TCF20: variants seen among roughly 807,000 people sequenced by gnomAD.
The protein encoded by TCF20 is SPRE-binding protein.
A neutral mutation model predicts 148.6 loss-of-function variants in TCF20; 3 were observed. The ratio of observed to expected loss-of-function variants is 0.02; its 90% CI spans 0.01 to 0.05. The LOEUF (loss-of-function observed/expected upper bound fraction) is 0.05, where lower values mean the gene tolerates loss of function less well. TCF20 is among the 10% of genes least tolerant of loss of function. The pLI, the probability that TCF20 is intolerant of heterozygous loss-of-function variation, is 1.00. For synonymous variants in TCF20, 1,049 were observed against 909.5 expected (o/e 1.15, Z -2.76); for missense variants, 2,350 against 2,429.3 (o/e 0.97, Z 0.69).
intron 3 of TCF20, among the ~76,000 whole-genome samples, chr22:42,173,020 G>A (rs756633836): frequency 2.6e-5 from 4 of 152,000 alleles, no homozygotes; most frequent in Admixed American, 1.3e-4. Flanking sequence ...GGCTCTGATG[G>A]CACCAGCAAG....
intron 1 of TCF20, among the ~76,000 whole-genome samples, chr22:42,218,539 C>T (rs906406502): frequency 1.3e-5 from 2 of 152,114 alleles, no homozygotes; most frequent in African/African-American, 4.8e-5. Context: ...CTAAATTGAA[C>T]AAAAACATTA....
Position 42,203,218 on chromosome 22 carries a change from G to A in TCF20, c.5655+6433C>T, listed in dbSNP as rs146237476. 6.5e-3 allele frequency among the ~76,000 whole-genome samples: 993 copies of A among 152,178 alleles called. 12 individuals carry two copies. The highest frequency in any genetic ancestry group is 0.023 in the African/African-American group (937 of 41,496). On this transcript the variant is annotated intron_variant, in intron 2 of 5. Coordinates refer to ENST00000677622, the MANE Select transcript of TCF20 (RefSeq NM_001378418.1). Reference sequence around the variant, plus strand: ...AATTTTCGTATTTTTGGTAGAGACAGGGTTTCTCCATGTTGCCCAGGCTGG... The same window carrying A: ...AATTTTCGTATTTTTGGTAGAGACAAGGTTTCTCCATGTTGCCCAGGCTGG...
Position 42,211,037 on chromosome 22 carries a change from C to A in TCF20, c.4269G>T (p.Glu1423Asp), listed in dbSNP as rs1273563157. Residue 1423 changes from glutamate (E) to aspartate (D), a missense_variant, in exon 2 of 6, where the codon GAG (glutamate) becomes GAT (aspartate). Glu to Asp is a conservative substitution (Grantham distance 45). This residue lies in a region of TCF20 where 231 missense variants were observed against 213.7 expected (regional missense o/e 1.08). Transcript: ENST00000677622. ...TTGGAAGAGGTTTCTCTACGTGCAA[C>A]TCCTGGTTTGCTGGACTGACTAGGT... is the stretch of plus-strand genomic sequence containing the variant. ...ASDLVSPANQ[E>D]LHVEKPLPRS... The A allele has an allele frequency of 1.9e-6, 3 of 1,614,074 alleles. No homozygotes were observed. The highest frequency in any genetic ancestry group is 2.5e-6 in the Non-Finnish European group (3 of 1,180,048).
chr22:42,269,465 G>GC (rs971064687), intron 1 of TCF20, among the ~76,000 whole-genome samples: 31 of 152,060 alleles, frequency 2.0e-4, no homozygotes, highest in African/African-American at 7.2e-4. Flanking sequence ...CCTCGGCACC[G>GC]CCCCCCAACT....
intron 1 of TCF20, among the ~76,000 whole-genome samples, chr22:42,261,210 T>G (rs1246264429): frequency 2.0e-5 from 3 of 152,232 alleles, no homozygotes; most frequent in Non-Finnish European, 2.9e-5. Flanking sequence ...TTCCATTGTA[T>G]GAACATGCCA....
At chr22:42,222,072 C>A (rs1261549323) in intron 1 of TCF20, among the ~76,000 whole-genome samples, 5 of 152,166 alleles carry the variant, frequency 3.3e-5, no homozygotes, top group Non-Finnish European at 5.9e-5. Context: ...CATGCAGAGA[C>A]AGAGCAAGGC....
chr22:42,248,921 C>G (rs1569184526), intron 1 of TCF20, among the ~76,000 whole-genome samples: 1 of 152,116 alleles, frequency 6.6e-6, no homozygotes, highest in Non-Finnish European at 1.5e-5. Context: ...ACAGGAACAC[C>G]TAGAAACCTG....
Position 42,242,853 on chromosome 22 carries a change from C to G in TCF20, c.-37+27486G>C, listed in dbSNP as rs185524238. Reference sequence around the variant, plus strand: ...AGTGAGTGGAGATCGCACCACTGCACTTCAGCTTGGGTGACAGAGCAAGAC... The same window carrying G: ...AGTGAGTGGAGATCGCACCACTGCAGTTCAGCTTGGGTGACAGAGCAAGAC... On this transcript the variant is annotated intron_variant, in intron 1 of 5. Coordinates refer to ENST00000677622, the MANE Select transcript of TCF20 (RefSeq NM_001378418.1). Among the ~76,000 whole-genome samples the G allele has an allele frequency of 1.5e-4, 23 of 152,144 alleles. No individual in the cohort carries two copies. The East Asian group carries it at 4.5e-3, about 29-fold the overall frequency.
intron 1 of TCF20, among the ~76,000 whole-genome samples, chr22:42,247,495 A>G (rs1303754767): frequency 6.6e-6 from 1 of 151,658 alleles, no homozygotes; most frequent in African/African-American, 2.4e-5. Context: ...ACGGACCCAG[A>G]CCTGGAAATA....
chr22:42,205,896 C>T (rs768411634), intron 2 of TCF20, among the ~76,000 whole-genome samples: 16 of 152,154 alleles, frequency 1.1e-4, no homozygotes, highest in Non-Finnish European at 2.1e-4. Context: ...CTCAGCCTCC[C>T]GAGTAGCTGG....
At chr22:42,188,984 T>TC (rs1354705214) in intron 2 of TCF20, among the ~76,000 whole-genome samples, 5 of 151,872 alleles carry the variant, frequency 3.3e-5, no homozygotes, top group Non-Finnish European at 5.9e-5. Context: ...TTGACCTGAG[T>TC]CATAAAGAGT....
At chr22:42,266,030 T>G (rs1926269560) in intron 1 of TCF20, among the ~76,000 whole-genome samples, 2 of 151,660 alleles carry the variant, frequency 1.3e-5, no homozygotes, top group South Asian at 4.2e-4. Flanking sequence ...AAAACCACCC[T>G]TTCCAGTATT....
At position 42,160,234 on chromosome 22, in the gene TCF20, C is replaced by T. The variant is rs1293526244; in HGVS notation, c.*1169G>A. ...AAATTATACAATTTACAAAACAAAA[C>T]AACACAACATAAAGAATCACGTAGC... On this transcript the variant is annotated 3_prime_UTR_variant, in exon 6 of 6. Transcript: ENST00000677622. The T allele has an allele frequency of 6.6e-6, 1 of 152,398 alleles. No individual in the cohort carries two copies. Among genetic ancestry groups the T allele is most frequent in the Admixed American group, 6.6e-5 (1 of 15,260 alleles). The allele number at this position is 152,398 out of a possible 1,614,324, so 9.4% of individuals were successfully genotyped here.
At chr22:42,249,989 G>C (rs1601660440) in intron 1 of TCF20, among the ~76,000 whole-genome samples, 1 of 152,094 alleles carries the variant, frequency 6.6e-6, no homozygotes, top group Non-Finnish European at 1.5e-5. Context: ...AGGTGTGGTG[G>C]AGCACCTGTA....
intron 1 of TCF20, among the ~76,000 whole-genome samples, chr22:42,341,054 G>A (rs1379304542): frequency 6.6e-6 from 1 of 152,194 alleles, no homozygotes; most frequent in Non-Finnish European, 1.5e-5. Context: ...CTCCATCAAA[G>A]CGCGCGCCGG....
At chr22:42,288,046 C>T (rs200459834), upstream of TCF20, among the ~76,000 whole-genome samples, 20 of 152,228 alleles carry the variant, frequency 1.3e-4, no homozygotes, top group East Asian at 3.7e-3. Flanking sequence ...GTGCTGGGCA[C>T]CCTACAGAAA....
At chr22:42,241,137 C>A (rs189945853) in intron 1 of TCF20, among the ~76,000 whole-genome samples, 1 of 152,330 alleles carries the variant, frequency 6.6e-6, no homozygotes, top group Admixed American at 6.5e-5. Context: ...GGATTACAGG[C>A]CTTAGCCAGC....
chr22:42,219,996 G>A (rs531199467), intron 1 of TCF20, among the ~76,000 whole-genome samples: 5 of 152,248 alleles, frequency 3.3e-5, no homozygotes, highest in African/African-American at 1.2e-4. Context: ...CCAGAACTCT[G>A]TGCCTAAACA....
intron 3 of TCF20, among the ~76,000 whole-genome samples, chr22:42,174,877 C>T (rs1214440091): frequency 6.6e-6 from 1 of 151,898 alleles, no homozygotes; most frequent in African/African-American, 2.4e-5. Context: ...CTACTAAAAA[C>T]AGAAAAAATT....
Sources: gnomAD v4.1 joint callset for allele counts (sites outside exome capture counted in the v4.1 genomes callset) on GRCh38, gnomAD v4.1.1 for gene constraint, gnomAD v4.1.1 regional missense constraint, MANE v1.5 for transcripts, NCBI Gene and HGNC (gene_info 2026-07-23, HGNC 2026-07-21) for gene names.